CPN1: variants seen among roughly 807,000 people sequenced by gnomAD.
The protein encoded by CPN1 is carboxypeptidase N catalytic chain.
CPN1 carries 37 observed loss-of-function variants against 46.4 expected under a neutral mutation model. The observed-to-expected ratio is 0.80, with a 90% CI of 0.61 to 1.05. CPN1 has a LOEUF of 1.05. CPN1 is among the 50% of genes least tolerant of loss of function. CPN1 has a pLI of 0.00. For synonymous variants in CPN1, 224 were observed against 235.4 expected (o/e 0.95, Z 0.44); for missense variants, 563 against 602.6 (o/e 0.93, Z 0.69).
chr10:100,055,133 G>A (rs2041378104), intron 6 of CPN1, among the ~76,000 whole-genome samples: 1 of 151,670 alleles, frequency 6.6e-6, no homozygotes, highest in South Asian at 2.1e-4. Context: ...AGCTACTCAG[G>A]AGGCCGAGAC....
intron 6 of CPN1, among the ~76,000 whole-genome samples, chr10:100,056,695 G>A (rs1012419219): frequency 6.6e-6 from 1 of 151,108 alleles, no homozygotes; most frequent in Non-Finnish European, 1.5e-5. Flanking sequence ...GTCTACAGGA[G>A]CATGCCACCA....
intron 2 of CPN1, among the ~76,000 whole-genome samples, chr10:100,072,823 A>G (rs185379556): frequency 1.3e-5 from 2 of 152,362 alleles, no homozygotes; most frequent in East Asian, 3.9e-4. Context: ...ATAATTAAAT[A>G]CATAGAGTGA....
chr10:100,063,572 C>G, intron 5 of CPN1, 42 bp downstream of exon 5: 1 of 1,379,362 alleles, frequency 7.2e-7, no homozygotes, highest in Non-Finnish European at 1.0e-6. Flanking sequence ...GAAATGAGCA[C>G]TATTCCACTT....
chr10:100,060,925 T>C (rs2041413150), intron 5 of CPN1, among the ~76,000 whole-genome samples: 2 of 152,038 alleles, frequency 1.3e-5, no homozygotes, highest in Non-Finnish European at 2.9e-5. Context: ...GGAGTACTAT[T>C]CAGTCATTAA....
chr10:100,053,475 A>G (rs2041367136), intron 7 of CPN1, among the ~76,000 whole-genome samples: 1 of 152,056 alleles, frequency 6.6e-6, no homozygotes, highest in Admixed American at 6.6e-5. Context: ...AACACAAAAA[A>G]TTAGTCAGAT....
At chr10:100,058,111 C>A (rs978683659) in intron 5 of CPN1, among the ~76,000 whole-genome samples, 6 of 152,144 alleles carry the variant, frequency 3.9e-5, no homozygotes, top group Non-Finnish European at 8.8e-5. Flanking sequence ...ACATGCCTCT[C>A]TCTCTGCAGT....
At chr10:100,076,712 TG>T (rs1265410476) in intron 1 of CPN1, among the ~76,000 whole-genome samples, 12 of 152,252 alleles carry the variant, frequency 7.9e-5, no homozygotes, top group African/African-American at 2.9e-4. Context: ...TCCGCAGCGA[TG>T]GATCTAAGAT....
At chr10:100,044,921 G>A (rs1263315328) in intron 8 of CPN1, among the ~76,000 whole-genome samples, 1 of 152,164 alleles carries the variant, frequency 6.6e-6, no homozygotes, top group African/African-American at 2.4e-5. Context: ...ATGTTGGCCA[G>A]GCTGGTCTCG....
intron 1 of CPN1, among the ~76,000 whole-genome samples, chr10:100,080,464 G>GAA (rs1052947813): frequency 6.6e-6 from 1 of 152,164 alleles, no homozygotes; most frequent in Non-Finnish European, 1.5e-5. Flanking sequence ...AATATGCATA[G>GAA]AAAAAAGTCT....
chr10:100,080,925 A>G (rs1407267186), intron 1 of CPN1, among the ~76,000 whole-genome samples: 1 of 152,112 alleles, frequency 6.6e-6, no homozygotes, highest in African/African-American at 2.4e-5. Flanking sequence ...AATCCAGTAA[A>G]TAAAACTGAC....
rs1034850530 is a variant in CPN1 at position 100,069,987 on chromosome 10, A to C, written c.421-118T>G. 23 of 1,211,974 alleles carry C rather than the reference A, an allele frequency of 1.9e-5. No homozygotes were observed. In the Admixed American group the frequency reaches 4.4e-4, roughly 23 times the overall value. 75.1% of individuals were successfully genotyped at this position (1,211,974 alleles called of 1,614,324 possible). The stretch of plus-strand genomic sequence containing the variant: ...GCCCAGGCTGAAGTGCAGTGGTACA[A>C]TCTTGGCTTACTGCAACCTCTACCT... On this transcript the variant is annotated intron_variant, in intron 2 of 8. Transcript: ENST00000370418.
intron 1 of CPN1, among the ~76,000 whole-genome samples, chr10:100,078,159 C>T (rs969455128): frequency 6.6e-6 from 1 of 152,172 alleles, no homozygotes; most frequent in African/African-American, 2.4e-5. Context: ...GCCATCCTCC[C>T]GCCTCAGCCT....
rs2041435120 is a variant in CPN1 at position 100,063,673 on chromosome 10, C to T, written c.812G>A (p.Cys271Tyr). ...GATGCCATCTGGGAAGTAATCTCCGCAGTTCCAACCTTGGAACATCCATCC... is the reference window on the plus strand; with the variant it reads ...GATGCCATCTGGGAAGTAATCTCCGTAGTTCCAACCTTGGAACATCCATCC... The part of the protein sequence containing the change: ...AHGWMFQGWN[C>Y]GDYFPDGITN... Residue 271 changes from cysteine to tyrosine, a missense_variant, in exon 5 of 9, where the codon TGC becomes TAC. Transcript: ENST00000370418. The T allele has an allele frequency of 2.5e-6, 4 of 1,614,014 alleles. No individual in the cohort carries two copies. The highest frequency in any genetic ancestry group is 2.7e-5 in the African/African-American group (2 of 74,920).
chr10:100,045,409 T>C (rs2041302231), intron 8 of CPN1, among the ~76,000 whole-genome samples: 2 of 152,144 alleles, frequency 1.3e-5, no homozygotes, highest in Admixed American at 1.3e-4. Flanking sequence ...ATGAAAGATT[T>C]ACTCTCTGTT....
intron 1 of CPN1, among the ~76,000 whole-genome samples, chr10:100,078,672 C>T (rs935470424): frequency 1.3e-5 from 2 of 152,202 alleles, no homozygotes; most frequent in African/African-American, 4.8e-5. Context: ...TCCCATAAAA[C>T]TTCATTTACC....
intron 3 of CPN1, 55 bp downstream of exon 3, chr10:100,069,659 G>C: frequency 6.2e-7 from 1 of 1,608,776 alleles, no homozygotes; most frequent in South Asian, 1.1e-5. Context: ...CAGTCTTTCT[G>C]CAAGAAATTC....
At chr10:100,056,713 C>T (rs1323535933) in intron 6 of CPN1, among the ~76,000 whole-genome samples, 1 of 145,392 alleles carries the variant, frequency 6.9e-6, no homozygotes, top group Non-Finnish European at 1.5e-5. Flanking sequence ...CCATGCTTGG[C>T]TATCTTTTTT....
intron 8 of CPN1, among the ~76,000 whole-genome samples, chr10:100,046,965 T>TCAGGAGGC (rs752615898): frequency 5.3e-5 from 8 of 151,972 alleles, no homozygotes; most frequent in Admixed American, 2.0e-4. Flanking sequence ...TCCCAGCTAC[T>TCAGGAGGC]TGGGAGGCTG....
chr10:100,073,131 A>G (rs2041494926), intron 2 of CPN1, among the ~76,000 whole-genome samples: 1 of 152,046 alleles, frequency 6.6e-6, no homozygotes, highest in South Asian at 2.1e-4. Flanking sequence ...CCCTGCTTGT[A>G]TTTCATTTTT....
Sources: gnomAD v4.1 joint callset for allele counts (sites outside exome capture counted in the v4.1 genomes callset) on GRCh38, gnomAD v4.1.1 for gene constraint, MANE v1.5 for transcripts, NCBI Gene and HGNC (gene_info 2026-07-23, HGNC 2026-07-21) for gene names.